ERBIN: variants seen among roughly 807,000 people sequenced by gnomAD.
ERBIN encodes the protein erbb2 interacting protein.
ERBIN carries 60 observed loss-of-function variants against 158.4 expected under a neutral mutation model. That is an observed-to-expected ratio of 0.38 (90% CI 0.31 to 0.47). The LOEUF (loss-of-function observed/expected upper bound fraction) is 0.47, where lower values mean the gene tolerates loss of function less well. Among genes scored for constraint, ERBIN ranks in the 20% least tolerant of loss-of-function variants. The probability of loss-of-function intolerance (pLI) is 0.99; values close to 1 mark genes in which losing one functional copy is unlikely to be tolerated. For missense variants in ERBIN, 1,610 were observed against 1,648.0 expected, an observed-to-expected ratio of 0.98 and a Z score of 0.40; for synonymous variants, 594 against 557.2, an observed-to-expected ratio of 1.07 and a Z score of -0.93.
At chr5:65,977,595 T>G (rs1253549679) in intron 1 of ERBIN, among the ~76,000 whole-genome samples, 3 of 132,666 alleles carry the variant, frequency 2.3e-5, no homozygotes, top group Non-Finnish European at 4.8e-5. Flanking sequence ...TTCCCAGATG[T>G]GATGGCGGCT....
intron 1 of ERBIN, among the ~76,000 whole-genome samples, chr5:65,958,125 C>G (rs1197959923): frequency 6.6e-6 from 1 of 151,662 alleles, no homozygotes; most frequent in South Asian, 2.1e-4. Context: ...AGGCGCTCCT[C>G]ACTTCCCAGA....
intron 18 of ERBIN, 77 bp downstream of exon 18, chr5:66,046,615 G>T: frequency 8.5e-7 from 1 of 1,172,188 alleles, no homozygotes; most frequent in East Asian, 2.4e-5. Flanking sequence ...ATAAAGACCT[G>T]ATACTGATTG....
chr5:65,977,900 A>G (rs1236122723), intron 1 of ERBIN, among the ~76,000 whole-genome samples: 1 of 149,366 alleles, frequency 6.7e-6, no homozygotes, highest in East Asian at 1.9e-4. Context: ...TCCGTCTGCA[A>G]TCCCGGCACC....
In ERBIN at chr5:66,054,382, G is replaced by A. The variant is rs2151240520; in HGVS notation, c.3064G>A (p.Ala1022Thr). The A allele has an allele frequency of 3.7e-6, 6 of 1,614,098 alleles. No homozygotes were observed. Among genetic ancestry groups the A allele is most frequent in the Non-Finnish European group, 5.1e-6 (6 of 1,180,014 alleles). ...RSESTENQSY[A>T]KHSANMNFSN... is the part of the protein sequence containing the mutation. ...AGAGAGCACAGAAAATCAAAGTTATGCTAAACATTCTGCCAATATGAATTT... is the reference window on the plus strand; with the variant it reads ...AGAGAGCACAGAAAATCAAAGTTATACTAAACATTCTGCCAATATGAATTT... Residue 1022 changes from alanine (A) to threonine (T), a missense_variant, in exon 21 of 26, where the codon GCT (alanine) becomes ACT (threonine). Coordinates refer to ENST00000284037, the MANE Select transcript of ERBIN (RefSeq NM_001253697.2).
At chr5:66,057,187 A>G (rs1306245198) in intron 21 of ERBIN, among the ~76,000 whole-genome samples, 2 of 152,226 alleles carry the variant, frequency 1.3e-5, no homozygotes, top group East Asian at 1.9e-4. Flanking sequence ...TGTGCTGCTC[A>G]GTTAGCTACT....
At chr5:66,009,728 G>C (rs767181079) in intron 4 of ERBIN, among the ~76,000 whole-genome samples, 1 of 152,116 alleles carries the variant, frequency 6.6e-6, no homozygotes, top group African/African-American at 2.4e-5. Context: ...TGTTTTACCA[G>C]TAAGAAAATT....
intron 7 of ERBIN, among the ~76,000 whole-genome samples, chr5:66,016,314 C>G (rs1455897089): frequency 6.6e-6 from 1 of 152,162 alleles, no homozygotes; most frequent in African/African-American, 2.4e-5. Flanking sequence ...ACTGTGATAG[C>G]TAAGCCTATA....
At chr5:66,009,111 T>C (rs1753929377) in intron 4 of ERBIN, among the ~76,000 whole-genome samples, 4 of 152,228 alleles carry the variant, frequency 2.6e-5, no homozygotes, top group Admixed American at 2.6e-4. Context: ...ACATGTACCC[T>C]AGAATTCTAG....
chr5:65,971,142 G>C (rs549002291), intron 1 of ERBIN, among the ~76,000 whole-genome samples: 1 of 152,090 alleles, frequency 6.6e-6, no homozygotes, highest in South Asian at 2.1e-4. Flanking sequence ...AAGTCTAGTC[G>C]TTTTGATGAT....
intron 13 of ERBIN, 120 bp from the exon 14 acceptor site, chr5:66,028,154 T>C: frequency 1.8e-6 from 1 of 570,596 alleles, no homozygotes; most frequent in South Asian, 3.1e-5. Flanking sequence ...CGATTTTTTT[T>C]TCTCCTATTT....
At chr5:65,968,931 C>G (rs969185914) in intron 1 of ERBIN, among the ~76,000 whole-genome samples, 1 of 152,160 alleles carries the variant, frequency 6.6e-6, no homozygotes, top group African/African-American at 2.4e-5. Flanking sequence ...AACGAAGCAA[C>G]TACTTTGTTT....
At chr5:65,998,765 C>T (rs1752706499) in intron 4 of ERBIN, among the ~76,000 whole-genome samples, 1 of 151,896 alleles carries the variant, frequency 6.6e-6, no homozygotes, top group South Asian at 2.1e-4. Flanking sequence ...CACATGGTGG[C>T]ATGTGCCTGT....
At chr5:65,942,840 G>C (rs1332012361) in intron 1 of ERBIN, among the ~76,000 whole-genome samples, 1 of 151,928 alleles carries the variant, frequency 6.6e-6, no homozygotes. Context: ...CTCAGGAGGC[G>C]GAGGCTGTGG....
intron 21 of ERBIN, among the ~76,000 whole-genome samples, chr5:66,065,325 A>T (rs1278030752): frequency 6.6e-6 from 1 of 151,178 alleles, no homozygotes; most frequent in African/African-American, 2.4e-5. Context: ...TTATTATTTC[A>T]AAGAGCAGCC....
intron 1 of ERBIN, among the ~76,000 whole-genome samples, chr5:65,935,993 C>G (rs535384152): frequency 6.6e-6 from 1 of 152,152 alleles, no homozygotes; most frequent in Non-Finnish European, 1.5e-5. Flanking sequence ...TCCCAAAGTA[C>G]TGGGATTACA....
intron 20 of ERBIN, 36 bp from the exon 21 acceptor site, chr5:66,053,370 T>TTA (rs1759239339): frequency 1.5e-6 from 2 of 1,312,416 alleles, no homozygotes; most frequent in Non-Finnish European, 2.0e-6. Context: ...AAAACTCGGC[T>TTA]TTATTATGTT....
intron 21 of ERBIN, among the ~76,000 whole-genome samples, 188 bp from the exon 22 acceptor site, chr5:66,071,981 C>A (rs187923181): frequency 1.5e-4 from 23 of 152,116 alleles, no homozygotes; most frequent in African/African-American, 4.8e-4. Flanking sequence ...ACAAAAATAT[C>A]TTGCTATGTA....
intron 1 of ERBIN, among the ~76,000 whole-genome samples, chr5:65,977,195 C>G (rs1185213260): frequency 1.4e-5 from 2 of 139,310 alleles, no homozygotes; most frequent in African/African-American, 2.9e-5. Flanking sequence ...GGGCGGGGGG[C>G]TGACCCCCCC....
intron 15 of ERBIN, 152 bp from the exon 16 acceptor site, chr5:66,042,925 C>A: frequency 5.5e-6 from 3 of 543,742 alleles, no homozygotes; most frequent in South Asian, 5.3e-5. Flanking sequence ...AATCGGCCAA[C>A]GCATTAGGAT....
Sources: allele counts gnomAD v4.1 joint callset (sites outside exome capture counted in the v4.1 genomes callset), GRCh38; gene constraint gnomAD v4.1.1; transcripts MANE v1.5; gene names NCBI Gene and HGNC (gene_info 2026-07-23, HGNC 2026-07-21).